STXBP5: variants seen among roughly 807,000 people sequenced by gnomAD.
STXBP5 encodes syntaxin-binding protein 5.
STXBP5 carries 50 observed loss-of-function variants against 152.4 expected under a neutral mutation model. That is an observed-to-expected ratio of 0.33 (90% CI 0.26 to 0.42). The LOEUF is 0.42. STXBP5 is among the 10% of genes least tolerant of loss of function. The pLI is 1.00. For synonymous variants in STXBP5, 492 were observed against 494.7 expected (o/e 0.99, Z 0.07); for missense variants, 1,167 against 1,388.6 (o/e 0.84, Z 2.54).
chr6:147,270,260 G>A (rs992800531), intron 7 of STXBP5, among the ~76,000 whole-genome samples: 2 of 151,766 alleles, frequency 1.3e-5, no homozygotes, highest in African/African-American at 2.4e-5. Flanking sequence ...TTAGCTGGGC[G>A]TGGTGGCAGG....
chr6:147,344,052 A>T (rs1784207870), intron 21 of STXBP5, among the ~76,000 whole-genome samples: 1 of 152,318 alleles, frequency 6.6e-6, no homozygotes, highest in East Asian at 1.9e-4. Flanking sequence ...AGATACTTCA[A>T]AATTATTATA....
intron 18 of STXBP5, among the ~76,000 whole-genome samples, chr6:147,330,401 T>G (rs1422446324): frequency 6.6e-6 from 1 of 152,100 alleles, no homozygotes; most frequent in Non-Finnish European, 1.5e-5. Context: ...AAGCTATTAT[T>G]ATAATAAAGA....
At chr6:147,215,607 C>T (rs1051824335) in intron 2 of STXBP5, among the ~76,000 whole-genome samples, 8 of 152,114 alleles carry the variant, frequency 5.3e-5, no homozygotes, top group African/African-American at 7.2e-5. Context: ...GTCTCGAACT[C>T]GTGAGCTCAA....
intron 6 of STXBP5, among the ~76,000 whole-genome samples, chr6:147,266,078 A>G (rs1035823781): frequency 6.6e-6 from 1 of 152,078 alleles, no homozygotes; most frequent in African/African-American, 2.4e-5. Context: ...TGGCCCAGGT[A>G]GCGAGGCAGC....
intron 21 of STXBP5, among the ~76,000 whole-genome samples, chr6:147,341,469 C>T (rs1784090240): frequency 6.6e-6 from 1 of 152,090 alleles, no homozygotes; most frequent in Non-Finnish European, 1.5e-5. Flanking sequence ...ACCTCTTCTT[C>T]CTCAATATAC....
Position 147,206,000 on chromosome 6 carries a change from C to T in STXBP5, c.180C>T (p.Pro60=), listed in dbSNP as rs750302305. The T allele has an allele frequency of 1.2e-6, 2 of 1,614,044 alleles. No homozygotes were observed. The highest frequency in any genetic ancestry group is 1.7e-6 in the Non-Finnish European group (2 of 1,180,020). Residue 60 remains proline, a synonymous_variant, in exon 2 of 28, where the codon CCC becomes CCT. Transcript: ENST00000321680. The stretch of plus-strand genomic sequence containing the variant: ...TTCGCCATGGATTTCCCTATCAACC[C>T]TCAGCCCTGGCCTTTGATCCTGTAC... ...KTVRHGFPYQ[P]SALAFDPVQK...
Position 147,291,090 on chromosome 6 carries a change from T to C in STXBP5, c.839-4T>C. On this transcript the variant is annotated splice_region_variant and splice_polypyrimidine_tract_variant and intron_variant, in intron 8 of 27. Transcript: ENST00000321680. ...AGAATTTAATGCAGGAAAATATATTTTAGGAAAACAGTTAAAGGATGGGAA... is the reference window on the plus strand; with the variant it reads ...AGAATTTAATGCAGGAAAATATATTCTAGGAAAACAGTTAAAGGATGGGAA... 1 of 1,605,938 alleles carries C rather than the reference T, an allele frequency of 6.2e-7. No homozygotes were observed. Among genetic ancestry groups the C allele is most frequent in the Non-Finnish European group, 8.5e-7 (1 of 1,176,096 alleles).
At chr6:147,381,796 A>G (rs758408232) in intron 26 of STXBP5, among the ~76,000 whole-genome samples, 2 of 152,162 alleles carry the variant, frequency 1.3e-5, no homozygotes, top group African/African-American at 4.8e-5. Flanking sequence ...CACCTATTGT[A>G]TGAATCCATT....
At position 147,364,033 on chromosome 6, in the gene STXBP5, A is replaced by C. The variant is rs1316039086; in HGVS notation, c.2948A>C (p.Tyr983Ser). ...AGTTTAAGACCTCTGTTGGATGTGT[A>C]TTACTTGCCCCTTACCAATATGCGG... Reference protein sequence around the residue: ...LPSLRPLLDVYYLPLTNMRIA... With the variant: ...LPSLRPLLDVSYLPLTNMRIA... Residue 983 changes from tyrosine (Y) to serine (S), a missense_variant, in exon 25 of 28, where the codon TAT becomes TCT. By Grantham distance (144) the Tyr-to-Ser change is moderately radical. Around this residue, in one of 3 missense-constraint regions of STXBP5, gnomAD observed 833 missense variants for 986.3 expected, o/e 0.84. Coordinates refer to ENST00000321680, the MANE Select transcript of STXBP5 (RefSeq NM_001127715.4). The C allele has an allele frequency of 6.2e-7, 1 of 1,613,836 alleles. No homozygotes were observed. The highest frequency in any genetic ancestry group is 8.5e-7 in the Non-Finnish European group (1 of 1,179,980).
At chr6:147,302,573 T>G (rs1320534338) in intron 9 of STXBP5, among the ~76,000 whole-genome samples, 39 of 151,946 alleles carry the variant, frequency 2.6e-4, no homozygotes, top group Admixed American at 2.6e-3. Context: ...TCCCAGCACT[T>G]TGGGAGGCCT....
In STXBP5 at chr6:147,277,959, G is replaced by GT. The variant is rs1213511684; in HGVS notation, c.715-120dup. 1.3e-5 allele frequency: 11 copies of GT among 836,746 alleles called. No homozygotes were observed. The African/African-American group carries it at 1.9e-4, about 15-fold the overall frequency. 51.8% of individuals were successfully genotyped at this position (836,746 alleles called of 1,614,324 possible). A position where few individuals can be genotyped will look rare whatever the true frequency, so the allele number is the denominator to read the frequency against. ...GGCCAAATTATTATGGAAATGTTAAGTTCACATGTTAACCTTAGGAAATAA... is the reference window on the plus strand; with the variant it reads ...GGCCAAATTATTATGGAAATGTTAAGTTTCACATGTTAACCTTAGGAAATAA... On this transcript the variant is annotated intron_variant, in intron 7 of 27. Transcript: ENST00000321680.
At chr6:147,226,393 G>C (rs536301949) in intron 2 of STXBP5, among the ~76,000 whole-genome samples, 1 of 152,022 alleles carries the variant, frequency 6.6e-6, no homozygotes, top group Non-Finnish European at 1.5e-5. Flanking sequence ...TGTGTCATAC[G>C]GTTTTCCAGC....
At chr6:147,262,924 T>G (rs1361008305) in intron 6 of STXBP5, among the ~76,000 whole-genome samples, 5 of 151,990 alleles carry the variant, frequency 3.3e-5, no homozygotes, top group Non-Finnish European at 5.9e-5. Context: ...TTGGATGAAT[T>G]TTTATTTTCT....
At chr6:147,357,760 T>G (rs951318024) in intron 22 of STXBP5, among the ~76,000 whole-genome samples, 3 of 152,144 alleles carry the variant, frequency 2.0e-5, no homozygotes, top group African/African-American at 7.2e-5. Context: ...AAACCCAAAC[T>G]GTGGCTCATC....
chr6:147,383,798 A>G (rs1239436508), intron 27 of STXBP5, among the ~76,000 whole-genome samples: 1 of 152,014 alleles, frequency 6.6e-6, no homozygotes, highest in African/African-American at 2.4e-5. Context: ...ACCAAAAGTC[A>G]TTTCCTCCTT....
At chr6:147,287,545 T>G (rs1781045260) in intron 8 of STXBP5, among the ~76,000 whole-genome samples, 1 of 152,338 alleles carries the variant, frequency 6.6e-6, no homozygotes, top group East Asian at 1.9e-4. Flanking sequence ...CTGGATTGTT[T>G]GTAACTCCTT....
At chr6:147,276,911 T>TCC (rs1434843207) in intron 7 of STXBP5, among the ~76,000 whole-genome samples, 2 of 152,152 alleles carry the variant, frequency 1.3e-5, no homozygotes, top group African/African-American at 2.4e-5. Context: ...TTCTACTGAA[T>TCC]GTATAGTGCT....
chr6:147,217,833 G>T (rs1777253829), intron 2 of STXBP5, among the ~76,000 whole-genome samples: 1 of 152,110 alleles, frequency 6.6e-6, no homozygotes, highest in Admixed American at 6.6e-5. Flanking sequence ...TGTTACAGTT[G>T]TCTTGACTTA....
At chr6:147,261,966 A>G (rs916339961) in intron 5 of STXBP5, among the ~76,000 whole-genome samples, 6 of 152,068 alleles carry the variant, frequency 3.9e-5, no homozygotes, top group Non-Finnish European at 8.8e-5. Flanking sequence ...TAGGTGCTGC[A>G]TTATTCAAAA....
Sources: allele counts gnomAD v4.1 joint callset (sites outside exome capture counted in the v4.1 genomes callset), GRCh38; gene constraint gnomAD v4.1.1; regional missense constraint gnomAD v4.1.1; transcripts MANE v1.5; gene names NCBI Gene and HGNC (gene_info 2026-07-23, HGNC 2026-07-21).